NEK7: variants seen among roughly 807,000 people sequenced by gnomAD.
NEK7 encodes NIMA related kinase 7.
NEK7 carries 18 observed loss-of-function variants against 44.6 expected under a neutral mutation model. That is an observed-to-expected ratio of 0.40 (90% CI 0.28 to 0.60). The LOEUF is 0.60. NEK7 is among the 20% of genes least tolerant of loss of function. NEK7 has a pLI of 0.38. For missense variants in NEK7, 256 were observed against 366.5 expected, an observed-to-expected ratio of 0.70 and a Z score of 2.46; for synonymous variants, 130 against 121.1, an observed-to-expected ratio of 1.07 and a Z score of -0.48.
intron 1 of NEK7, among the ~76,000 whole-genome samples, chr1:198,185,576 A>G (rs1234365851): frequency 6.6e-6 from 1 of 152,134 alleles, no homozygotes; most frequent in Non-Finnish European, 1.5e-5. Context: ...TTTGTAAGAA[A>G]CACCTTATTT....
At chr1:198,216,869 C>T (rs12036140) in intron 1 of NEK7, among the ~76,000 whole-genome samples, 8 of 151,542 alleles carry the variant, frequency 5.3e-5, no homozygotes, top group South Asian at 4.2e-4. Context: ...TCCTCGAAAA[C>T]GACAACCCTT....
chr1:198,209,183 C>G (rs1222060900), intron 1 of NEK7, among the ~76,000 whole-genome samples: 1 of 144,704 alleles, frequency 6.9e-6, no homozygotes, highest in East Asian at 2.0e-4. Flanking sequence ...AAACTCTCCT[C>G]AGAAGGAGCG....
chr1:198,256,862 C>G (rs1036083559), intron 3 of NEK7, among the ~76,000 whole-genome samples: 5 of 152,132 alleles, frequency 3.3e-5, no homozygotes, highest in African/African-American at 1.2e-4. Flanking sequence ...TTATCAAAAA[C>G]TTATTTTGAT....
At chr1:198,208,047 G>A (rs1665650144) in intron 1 of NEK7, among the ~76,000 whole-genome samples, 1 of 152,004 alleles carries the variant, frequency 6.6e-6, no homozygotes, top group Non-Finnish European at 1.5e-5. Context: ...TTTTATCTGT[G>A]GTTTCATGTA....
intron 3 of NEK7, among the ~76,000 whole-genome samples, chr1:198,255,724 C>T (rs1011550519): frequency 2.0e-5 from 3 of 152,122 alleles, no homozygotes; most frequent in African/African-American, 7.2e-5. Context: ...CCATTCCTTT[C>T]TGCTTTAGTG....
chr1:198,202,046 T>C (rs1665445799), intron 1 of NEK7, among the ~76,000 whole-genome samples: 1 of 152,194 alleles, frequency 6.6e-6, no homozygotes, highest in African/African-American at 2.4e-5. Flanking sequence ...AATCAATTCA[T>C]CTCAGGGCAT....
At chr1:198,285,053 A>T (rs1314971315) in intron 7 of NEK7, among the ~76,000 whole-genome samples, 1 of 150,588 alleles carries the variant, frequency 6.6e-6, no homozygotes, top group Non-Finnish European at 1.5e-5. Flanking sequence ...CTTCACTCCC[A>T]CTCCACCCCT....
chr1:198,233,126 T>C (rs888735077), intron 2 of NEK7, among the ~76,000 whole-genome samples: 1 of 151,330 alleles, frequency 6.6e-6, no homozygotes, highest in African/African-American at 2.4e-5. Context: ...TGCCTAAGCT[T>C]GGGAGTGCCA....
In NEK7 at chr1:198,253,222, T is replaced by C. The variant is rs369788971; in HGVS notation, c.198+42T>C. The C allele has an allele frequency of 4.5e-6, 6 of 1,323,762 alleles. No homozygotes were observed. In the African/African-American group the frequency reaches 7.4e-5, roughly 16 times the overall value. 82.0% of individuals were successfully genotyped at this position (1,323,762 alleles called of 1,614,324 possible). A position where few individuals can be genotyped will look rare whatever the true frequency, so the allele number is the denominator to read the frequency against. ...TATATAAATCAATGTAAAATTATACTATGTGAATTATAGATGAGAAAAGTA... is the reference window on the plus strand; with the variant it reads ...TATATAAATCAATGTAAAATTATACCATGTGAATTATAGATGAGAAAAGTA... On this transcript the variant is annotated intron_variant, in intron 3 of 9. Transcript: ENST00000367385.
At chr1:198,158,287 A>C (rs532004223) in intron 1 of NEK7, among the ~76,000 whole-genome samples, 9 of 152,220 alleles carry the variant, frequency 5.9e-5, no homozygotes, top group Non-Finnish European at 1.3e-4. Context: ...CACAGAAATA[A>C]AATGATTATT....
intron 9 of NEK7, among the ~76,000 whole-genome samples, chr1:198,315,265 A>G (rs1008747548): frequency 4.6e-5 from 7 of 152,168 alleles, no homozygotes; most frequent in Admixed American, 6.5e-5. Context: ...GCGCTTCCCG[A>G]GTGAGGCAAT....
chr1:198,301,498 C>T (rs762473300), intron 9 of NEK7, among the ~76,000 whole-genome samples: 1 of 152,186 alleles, frequency 6.6e-6, no homozygotes, highest in Non-Finnish European at 1.5e-5. Context: ...TGCAGTGAGC[C>T]GAGATCGCGC....
intron 1 of NEK7, among the ~76,000 whole-genome samples, chr1:198,208,805 A>C (rs546987908): frequency 6.6e-6 from 1 of 152,066 alleles, no homozygotes; most frequent in Admixed American, 6.5e-5. Context: ...TCCCTTTTTG[A>C]ACTCTAGACT....
chr1:198,260,477 C>G (rs12030523), intron 3 of NEK7, among the ~76,000 whole-genome samples: 20,826 of 151,052 alleles, frequency 0.14, 2,095 homozygotes, highest in East Asian at 0.57. Context: ...CATTCTGTTC[C>G]ATTCTGAAAT....
intron 7 of NEK7, among the ~76,000 whole-genome samples, chr1:198,288,374 A>G (rs1316738359): frequency 3.3e-5 from 5 of 152,226 alleles, no homozygotes; most frequent in Non-Finnish European, 5.9e-5. Flanking sequence ...TAATTTTCAC[A>G]TGTGGCCCAT....
intron 2 of NEK7, chr1:198,245,259 A>G (rs1666804650): frequency 5.9e-6 from 1 of 169,302 alleles, no homozygotes; most frequent in Non-Finnish European, 1.5e-5. Context: ...GAAAATCTAC[A>G]TATAAGTGGA....
chr1:198,306,546 ATCC>A (rs1193477154), intron 9 of NEK7, among the ~76,000 whole-genome samples: 8 of 152,130 alleles, frequency 5.3e-5, no homozygotes, highest in Admixed American at 1.3e-4. Flanking sequence ...TGACTATTTT[ATCC>A]TCCTATTCAT....
chr1:198,170,131 G>A (rs1225430673), intron 1 of NEK7, among the ~76,000 whole-genome samples: 2 of 152,214 alleles, frequency 1.3e-5, no homozygotes, highest in African/African-American at 4.8e-5. Context: ...TCTAATCTGT[G>A]AATGGTCACT....
intron 3 of NEK7, among the ~76,000 whole-genome samples, chr1:198,255,432 A>G (rs1653222706): frequency 1.3e-5 from 2 of 152,208 alleles, no homozygotes; most frequent in South Asian, 2.1e-4. Context: ...ACAGGGCTCA[A>G]TTCTGTCTCT....
Sources: gnomAD v4.1 joint callset for allele counts (sites outside exome capture counted in the v4.1 genomes callset) on GRCh38, gnomAD v4.1.1 for gene constraint, MANE v1.5 for transcripts, NCBI Gene and HGNC (gene_info 2026-07-23, HGNC 2026-07-21) for gene names.